The following BLVRA variants were observed in gnomAD, a reference collection of about 807,000 sequenced individuals.
BLVRA encodes biliverdin reductase A.
In BLVRA, 22 loss-of-function variants were observed where a neutral mutation model predicts 32.8. That is an observed-to-expected ratio of 0.67 (90% CI 0.48 to 0.96). BLVRA has a LOEUF of 0.96. BLVRA is among the 40% of genes least tolerant of loss of function. BLVRA has a pLI of 0.00. For synonymous variants in BLVRA, 119 were observed against 141.3 expected (o/e 0.84, Z 1.12); for missense variants, 323 against 358.1 (o/e 0.90, Z 0.79).
At chr7:43,796,772 G>A (rs1176555272) in intron 5 of BLVRA, among the ~76,000 whole-genome samples, 1 of 152,190 alleles carries the variant, frequency 6.6e-6, no homozygotes, top group Non-Finnish European at 1.5e-5. Flanking sequence ...AGCAGTCTAT[G>A]TAATGGGTGA....
intron 2 of BLVRA, among the ~76,000 whole-genome samples, chr7:43,772,782 A>G (rs1408144667): frequency 2.6e-5 from 4 of 152,228 alleles, no homozygotes; most frequent in Non-Finnish European, 5.9e-5. Context: ...GTGAGAACTC[A>G]CTATCATGAG....
chr7:43,762,606 CTTTTTTTTTTTTTTT>C (rs1162480081), intron 1 of BLVRA, among the ~76,000 whole-genome samples: 1 of 100,870 alleles, frequency 9.9e-6, no homozygotes, highest in African/African-American at 4.5e-5. Flanking sequence ...CCAGTAGTTC[CTTTTTTTTTTTTTTT>C]TTTTTTTTAA....
At position 43,789,153 on chromosome 7, in the gene BLVRA, C is replaced by T. The variant is rs976389211; in HGVS notation, c.134+1128C>T. On this transcript the variant is annotated intron_variant, in intron 3 of 7. Coordinates refer to ENST00000265523, the MANE Select transcript of BLVRA (RefSeq NM_000712.4). ...CTAATCCTGTGTAACATCATTTATCCATATTAATTTTGGACTAGGTGCAGG... is the reference window on the plus strand; with the variant it reads ...CTAATCCTGTGTAACATCATTTATCTATATTAATTTTGGACTAGGTGCAGG... Among the ~76,000 whole-genome samples, 3 of 152,184 alleles carry T rather than the reference C, an allele frequency of 2.0e-5. No homozygotes were observed. The South Asian group carries it at 6.2e-4, about 32-fold the overall frequency.
rs1015635429 is a variant in BLVRA, at chr7:43,791,258, C to T, written c.144C>T (p.Leu48=). The T allele has an allele frequency of 8.1e-6, 13 of 1,613,978 alleles. No homozygotes were observed. The highest frequency in any genetic ancestry group is 1.6e-4 in the Middle Eastern group (1 of 6,064). The part of the protein sequence containing the change: ...NLIGFVSRRE[L]GSIDGVQQIS... ...TGTTACTCTGAAATAGAAGGGAGCT[C>T]GGGAGCATTGATGGAGTCCAGCAGA... The change falls in exon 4 of 8, where the codon CTC becomes CTT. Residue 48 remains leucine (L), a synonymous_variant. Coordinates refer to ENST00000265523, the MANE Select transcript of BLVRA (RefSeq NM_000712.4).
At chr7:43,791,199 C>G (rs1377988334) in intron 3 of BLVRA, 50 bp from the exon 4 acceptor site, 1 of 1,611,738 alleles carries the variant, frequency 6.2e-7, no homozygotes, top group African/African-American at 1.3e-5. Context: ...GGATGGTGCT[C>G]CTTTCTTCTG....
chr7:43,801,285 C>A (rs944178312), intron 6 of BLVRA, among the ~76,000 whole-genome samples: 4 of 152,170 alleles, frequency 2.6e-5, no homozygotes, highest in Non-Finnish European at 2.9e-5. Context: ...CATGAGCCAC[C>A]GTGCCCAGCT....
chr7:43,801,360 C>T (rs931580265), intron 6 of BLVRA, among the ~76,000 whole-genome samples: 27 of 152,134 alleles, frequency 1.8e-4, no homozygotes, highest in African/African-American at 5.3e-4. Flanking sequence ...TGAGCAGCTC[C>T]GTTAGCAATA....
In BLVRA at chr7:43,803,682, C is replaced by T. The variant is rs200781764; in HGVS notation, c.467C>T (p.Pro156Leu). ...LKGSLLFTAGPLEEERFGFPA... is the reference protein window; with the variant it reads ...LKGSLLFTAGLLEEERFGFPA... Reference sequence around the variant, plus strand: ...CATTTGTGATTTCCCACAGCTGGCCCGTTGGAAGAAGAGCGGTTTGGCTTC... The same window carrying T: ...CATTTGTGATTTCCCACAGCTGGCCTGTTGGAAGAAGAGCGGTTTGGCTTC... Residue 156 changes from proline to leucine, a missense_variant, in exon 7 of 8, where the codon CCG becomes CTG. By Grantham distance (98) the Pro-to-Leu change is moderately conservative. Transcript: ENST00000265523. 7 of 1,613,640 alleles carry T rather than the reference C, an allele frequency of 4.3e-6. No individual in the cohort carries two copies. The African/African-American group carries it at 6.7e-5, about 15-fold the overall frequency.
In BLVRA at chr7:43,800,566, T is replaced by C; in HGVS notation, c.454T>C (p.Phe152Leu). The change falls in exon 6 of 8, where the codon TTC (phenylalanine) becomes CTC (leucine). Residue 152 changes from phenylalanine to leucine, a missense_variant. By Grantham distance (22) the Phe-to-Leu change is conservative. Transcript: ENST00000265523. ...GKDLLKGSLL[F>L]TAGPLEEERF... ...AGACCTGCTGAAAGGGTCGCTCCTC[T>C]TCACAGGTCAGTGCTACGTGGGATC... The C allele has an allele frequency of 1.9e-6, 3 of 1,613,788 alleles. No homozygotes were observed. The highest frequency in any genetic ancestry group is 2.5e-6 in the Non-Finnish European group (3 of 1,179,726).
At chr7:43,768,886 C>T (rs181450957) in intron 1 of BLVRA, among the ~76,000 whole-genome samples, 5 of 152,086 alleles carry the variant, frequency 3.3e-5, no homozygotes, top group Admixed American at 2.6e-4. Flanking sequence ...CCACCCCACC[C>T]ACCACCTGCG....
intron 1 of BLVRA, chr7:43,767,209 G>A (rs2095749203): frequency 1.6e-6 from 1 of 635,140 alleles, no homozygotes; most frequent in Non-Finnish European, 2.8e-6. Flanking sequence ...CACTTTTATA[G>A]GAAAACTTTC....
At chr7:43,801,963 C>T (rs1236790334) in intron 6 of BLVRA, among the ~76,000 whole-genome samples, 6 of 151,462 alleles carry the variant, frequency 4.0e-5, no homozygotes, top group South Asian at 4.2e-4. Flanking sequence ...GGTGAAACAC[C>T]GTCTCTACTA....
chr7:43,793,287 C>T (rs2095788181), intron 5 of BLVRA, among the ~76,000 whole-genome samples: 1 of 151,778 alleles, frequency 6.6e-6, no homozygotes. Context: ...TGTTATTTTG[C>T]TTAATTCTTC....
In BLVRA at chr7:43,807,237, A is replaced by C. The variant is rs751767582; in HGVS notation, c.*2A>C. ...AAATATTGCTGTTCAAGGAAGTAAGAGGAGGAGGTGATGTAGCACTTCCAA... is the reference window on the plus strand; with the variant it reads ...AAATATTGCTGTTCAAGGAAGTAAGCGGAGGAGGTGATGTAGCACTTCCAA... On this transcript the variant is annotated 3_prime_UTR_variant, in exon 8 of 8. Transcript: ENST00000265523. 6.2e-7 allele frequency: 1 copy of C among 1,603,626 alleles called. No individual in the cohort carries two copies.
At position 43,787,032 on chromosome 7, in the gene BLVRA, C is replaced by G. The variant is rs1405654304; in HGVS notation, c.13-872C>G. ...CCGCCTCCCAGGTTCAAGCAATTCT[C>G]CTGCCTCGGCCTCCTAAGTAGCTGG... On this transcript the variant is annotated intron_variant, in intron 2 of 7. Coordinates refer to ENST00000265523, the MANE Select transcript of BLVRA (RefSeq NM_000712.4). This position sits in a 1 kb window ranked among gnomAD's most constrained non-coding sequence, Gnocchi z 4.5. Among the ~76,000 whole-genome samples the G allele has an allele frequency of 1.3e-5, 2 of 152,074 alleles. No individual in the cohort carries two copies. Among genetic ancestry groups the G allele is most frequent in the Non-Finnish European group, 2.9e-5 (2 of 68,020 alleles).
chr7:43,793,257 A>G (rs1015764938), intron 5 of BLVRA, among the ~76,000 whole-genome samples: 1 of 151,444 alleles, frequency 6.6e-6, no homozygotes, highest in African/African-American at 2.4e-5. Flanking sequence ...GAACTTGGAA[A>G]CTCTGCTAAG....
At chr7:43,766,606 C>T (rs1446746109) in intron 1 of BLVRA, among the ~76,000 whole-genome samples, 1 of 152,134 alleles carries the variant, frequency 6.6e-6, no homozygotes, top group Non-Finnish European at 1.5e-5. Flanking sequence ...GGAGAGGGAG[C>T]TGTGTGATGG....
chr7:43,779,969 G>A (rs920043291), intron 2 of BLVRA, among the ~76,000 whole-genome samples: 7 of 151,914 alleles, frequency 4.6e-5, no homozygotes, highest in African/African-American at 7.3e-5. Context: ...TGCCTCCCGG[G>A]TTCATGCGAT....
At chr7:43,803,189 C>T (rs999101907) in intron 6 of BLVRA, among the ~76,000 whole-genome samples, 1 of 152,190 alleles carries the variant, frequency 6.6e-6, no homozygotes, top group African/African-American at 2.4e-5. Context: ...TTGCCACTTA[C>T]ACATCAGGTA....
Sources: allele counts gnomAD v4.1 joint callset (sites outside exome capture counted in the v4.1 genomes callset), GRCh38; gene constraint gnomAD v4.1.1; non-coding constraint Gnocchi (gnomAD v3.1); transcripts MANE v1.5; gene names NCBI Gene and HGNC (gene_info 2026-07-23, HGNC 2026-07-21).